Variants in SAXO1 observed in about 807,000 individuals in gnomAD.
The protein encoded by SAXO1 is 4930500O09Rik.
SAXO1 carries 21 observed loss-of-function variants against 17.5 expected under a neutral mutation model. The ratio of observed to expected loss-of-function variants is 1.20; its 90% CI spans 0.85 to 1.72. The LOEUF (loss-of-function observed/expected upper bound fraction) is 1.72, where lower values mean the gene tolerates loss of function less well. Ranked by LOEUF, SAXO1 falls within the 40% of genes most tolerant of loss-of-function variation. SAXO1 has a pLI of 0.00. For synonymous variants in SAXO1, 274 were observed against 216.5 expected, an observed-to-expected ratio of 1.27 and a Z score of -2.33; for missense variants, 843 against 596.0, an observed-to-expected ratio of 1.41 and a Z score of -4.32.
At chr9:19,028,122 G>T (rs1221309752) in intron 1 of SAXO1, 4 of 1,606,838 alleles carry the variant, frequency 2.5e-6, no homozygotes, top group Non-Finnish European at 3.4e-6. Context: ...CCAACCTACA[G>T]TACTACGCCT....
intron 1 of SAXO1, among the ~76,000 whole-genome samples, chr9:18,974,553 T>C (rs941507873): frequency 8.5e-5 from 13 of 152,252 alleles, no homozygotes; most frequent in Non-Finnish European, 1.6e-4. Flanking sequence ...AGTCAGGAAA[T>C]GCTGAATGGA....
intron 1 of SAXO1, among the ~76,000 whole-genome samples, chr9:18,955,888 T>C (rs1832237162): frequency 1.3e-5 from 2 of 151,666 alleles, no homozygotes; most frequent in African/African-American, 4.9e-5. Context: ...TGAGATTATG[T>C]CCCCACCTCT....
intron 1 of SAXO1, among the ~76,000 whole-genome samples, chr9:18,973,696 C>T (rs934853998): frequency 1.3e-5 from 2 of 152,162 alleles, no homozygotes; most frequent in African/African-American, 4.8e-5. Flanking sequence ...GTATCTGATC[C>T]CTTTCCTCTG....
At chr9:18,965,392 T>A (rs1277466433) in intron 1 of SAXO1, among the ~76,000 whole-genome samples, 1 of 152,220 alleles carries the variant, frequency 6.6e-6, no homozygotes, top group East Asian at 1.9e-4. Context: ...TCTAAGTCTC[T>A]TTGTAGGTCT....
At chr9:19,023,732 G>A (rs1246763933) in intron 1 of SAXO1, among the ~76,000 whole-genome samples, 3 of 151,906 alleles carry the variant, frequency 2.0e-5, no homozygotes, top group African/African-American at 7.3e-5. Context: ...AACATTAACA[G>A]ATTTAAAGTC....
At chr9:18,978,702 G>A (rs917591627) in intron 1 of SAXO1, among the ~76,000 whole-genome samples, 6 of 152,152 alleles carry the variant, frequency 3.9e-5, no homozygotes, top group African/African-American at 1.2e-4. Context: ...TGTTCTAGAT[G>A]CATACATCCA....
intron 1 of SAXO1, among the ~76,000 whole-genome samples, chr9:18,955,996 G>A (rs951465096): frequency 1.3e-5 from 2 of 151,656 alleles, no homozygotes; most frequent in Non-Finnish European, 1.5e-5. Flanking sequence ...CTGGAGTACA[G>A]TGGCACAATC....
chr9:18,987,920 A>G, intron 1 of SAXO1, among the ~76,000 whole-genome samples: 1 of 148,288 alleles, frequency 6.7e-6, no homozygotes, highest in Non-Finnish European at 1.5e-5. Flanking sequence ...GAAAAAAAGA[A>G]AAAAGAAAAC....
chr9:19,035,857 C>T (rs576237349), upstream of SAXO1, among the ~76,000 whole-genome samples: 1 of 152,242 alleles, frequency 6.6e-6, no homozygotes, highest in South Asian at 2.1e-4. Context: ...GCAGACGAAA[C>T]TTCTAAGCAG....
At chr9:19,008,702 A>G (rs1464537863) in intron 1 of SAXO1, among the ~76,000 whole-genome samples, 1 of 152,200 alleles carries the variant, frequency 6.6e-6, no homozygotes, top group African/African-American at 2.4e-5. Flanking sequence ...AAGTGTGTGC[A>G]TGTGCTGTCA....
intron 1 of SAXO1, among the ~76,000 whole-genome samples, chr9:19,023,047 A>G (rs1320658873): frequency 2.6e-5 from 4 of 152,140 alleles, no homozygotes; most frequent in Non-Finnish European, 5.9e-5. Flanking sequence ...CAGAAAGGGC[A>G]GAGAGCCTCC....
intron 3 of SAXO1, among the ~76,000 whole-genome samples, chr9:18,941,244 A>G (rs1038918136): frequency 6.6e-6 from 1 of 152,154 alleles, no homozygotes; most frequent in Non-Finnish European, 1.5e-5. Flanking sequence ...AGAGCCAGGT[A>G]TTAAGTGTCT....
intron 1 of SAXO1, among the ~76,000 whole-genome samples, chr9:19,047,144 GC>G (rs1420955367): frequency 6.6e-6 from 1 of 152,036 alleles, no homozygotes. Context: ...CCGAGATAGT[GC>G]CACTGCACTC....
chr9:18,928,728 T>TC lies in SAXO1; in HGVS notation c.748dup (p.Glu250GlyfsTer21), dbSNP rs1037755069. 6.2e-7 allele frequency: 1 copy of TC among 1,613,954 alleles called. No individual in the cohort carries two copies. The highest frequency in any genetic ancestry group is 8.5e-7 in the Non-Finnish European group (1 of 1,180,032). On this transcript the variant is annotated frameshift_variant, in exon 4 of 4. Transcript: ENST00000380534. LOFTEE classifies it low-confidence loss of function (END_TRUNC). Reference sequence around the variant, plus strand: ...TAGAGGTTTCAAGCTCTTGGCAGGCTCCCCCATCAGGCCCCGGTAGGATTG... The same window carrying TC: ...TAGAGGTTTCAAGCTCTTGGCAGGCTCCCCCCATCAGGCCCCGGTAGGATTG...
chr9:18,994,628 G>A (rs1037272863), intron 1 of SAXO1, among the ~76,000 whole-genome samples: 61 of 152,288 alleles, frequency 4.0e-4, no homozygotes, highest in African/African-American at 1.4e-3. Flanking sequence ...CAGAGACCCC[G>A]GGAAATGGAA....
chr9:18,933,709 C>T (rs183768316), intron 3 of SAXO1, among the ~76,000 whole-genome samples: 2 of 152,296 alleles, frequency 1.3e-5, no homozygotes, highest in African/African-American at 4.8e-5. Flanking sequence ...CAACCAACTG[C>T]CTTCAGTCCT....
chr9:18,963,671 A>G (rs1001643268), intron 1 of SAXO1, among the ~76,000 whole-genome samples: 1 of 152,198 alleles, frequency 6.6e-6, no homozygotes, highest in African/African-American at 2.4e-5. Context: ...GAAGTTGCTT[A>G]TAAGCTTAAA....
chr9:18,952,164 T>C (rs2131732252), intron 1 of SAXO1, among the ~76,000 whole-genome samples: 1 of 152,344 alleles, frequency 6.6e-6, no homozygotes, highest in Non-Finnish European at 1.5e-5. Context: ...GCCCACAATC[T>C]TCACAATCCA....
At position 19,002,794 on chromosome 9, in the gene SAXO1, C is replaced by A. The variant is rs200979742; in HGVS notation, c.38+30077G>T. 3.4e-4 allele frequency among the ~76,000 whole-genome samples: 52 copies of A among 152,260 alleles called. No individual in the cohort carries two copies. In the South Asian group the frequency reaches 4.6e-3, roughly 13 times the overall value. On this transcript the variant is annotated intron_variant, in intron 1 of 3. Coordinates refer to ENST00000380534, the MANE Select transcript of SAXO1 (RefSeq NM_153707.4). ...AAACCCACAGCCAATATCATACTAA[C>A]TGGGCAAAAACTGGAAGCATTCCCT...
Sources: allele counts gnomAD v4.1 joint callset (sites outside exome capture counted in the v4.1 genomes callset), GRCh38; gene constraint gnomAD v4.1.1; transcripts MANE v1.5; gene names NCBI Gene and HGNC (gene_info 2026-07-23, HGNC 2026-07-21).